The following CYP4F22 variants were observed in gnomAD, a reference collection of about 807,000 sequenced individuals.
CYP4F22 encodes ultra-long-chain fatty acid omega-hydroxylase.
A neutral mutation model predicts 60.4 loss-of-function variants in CYP4F22; 37 were observed. The ratio of observed to expected loss-of-function variants is 0.61; its 90% CI spans 0.47 to 0.81. CYP4F22 has a LOEUF of 0.81. Ranked by LOEUF, CYP4F22 falls within the 30% of genes least tolerant of loss-of-function variation. The pLI, the probability that CYP4F22 is intolerant of heterozygous loss-of-function variation, is 0.00. For missense variants in CYP4F22, 655 were observed against 715.0 expected (o/e 0.92, Z 0.96); for synonymous variants, 258 against 280.5 (o/e 0.92, Z 0.80).
chr19:15,537,287 C>T lies in CYP4F22; in HGVS notation c.368-74C>T. ...CTGCACTCCAGCCTGGATGACAGAGCAAGACTCCGTAAAAAAAAACAAAAA... is the reference window on the plus strand; with the variant it reads ...CTGCACTCCAGCCTGGATGACAGAGTAAGACTCCGTAAAAAAAAACAAAAA... On this transcript the variant is annotated intron_variant, in intron 4 of 13. Coordinates refer to ENST00000269703, the MANE Select transcript of CYP4F22 (RefSeq NM_173483.4). 3.8e-6 allele frequency: 6 copies of T among 1,580,248 alleles called. No individual in the cohort carries two copies. The East Asian group carries it at 6.7e-5, about 18-fold the overall frequency.
chr19:15,516,397 A>G (rs2163843), intron 1 of CYP4F22, among the ~76,000 whole-genome samples: 130,299 of 152,180 alleles, frequency 0.86, 55,844 homozygotes, highest in Middle Eastern at 0.93. Flanking sequence ...TTAGCCAGTC[A>G]GGTTTAATTT....
chr19:15,551,429 C>G lies in CYP4F22; in HGVS notation c.1554C>G (p.Asn518Lys). The G allele has an allele frequency of 6.3e-7, 1 of 1,586,332 alleles. No individual in the cohort carries two copies. Residue 518 changes from asparagine to lysine, a missense_variant, in exon 14 of 14, where the codon AAC becomes AAG. By Grantham distance (94) the Asn-to-Lys change is moderately conservative (BLOSUM62 0). This residue lies in a region of CYP4F22 where 151 missense variants were observed against 139.4 expected (regional missense o/e 1.08). Coordinates refer to ENST00000269703, the MANE Select transcript of CYP4F22 (RefSeq NM_173483.4). ...RKPELILRTE[N>K]GLWLKVEPLP... is the part of the protein sequence containing the mutation. ...CGGAGCTCATACTGCGCACGGAGAACGGGCTCTGGCTCAAGGTGGAGCCGC... is the reference window on the plus strand; with the variant it reads ...CGGAGCTCATACTGCGCACGGAGAAGGGGCTCTGGCTCAAGGTGGAGCCGC...
At chr19:15,521,810 A>G (rs1057212948) in intron 1 of CYP4F22, among the ~76,000 whole-genome samples, 2 of 152,144 alleles carry the variant, frequency 1.3e-5, no homozygotes, top group African/African-American at 2.4e-5. Flanking sequence ...AGCTGGGATC[A>G]CAGACATGCA....
At chr19:15,550,802 G>C (rs1387670826) in intron 13 of CYP4F22, 46 bp downstream of exon 13, 1 of 1,605,406 alleles carries the variant, frequency 6.2e-7, no homozygotes, top group Non-Finnish European at 8.5e-7. Context: ...TGTAGGAACA[G>C]AGGCAGGGAA....
chr19:15,517,680 G>A (rs1038131852), intron 1 of CYP4F22, among the ~76,000 whole-genome samples: 1 of 152,206 alleles, frequency 6.6e-6, no homozygotes, highest in African/African-American at 2.4e-5. Flanking sequence ...AAGTCTTCCA[G>A]CTCTCTTTAA....
chr19:15,511,147 G>C (rs1326218973), intron 1 of CYP4F22, among the ~76,000 whole-genome samples: 1 of 150,540 alleles, frequency 6.6e-6, no homozygotes, highest in Non-Finnish European at 1.5e-5. Flanking sequence ...TGTATTTTTA[G>C]TAGAGATGGG....
intron 10 of CYP4F22, among the ~76,000 whole-genome samples, chr19:15,545,070 C>A (rs962105340): frequency 7.4e-5 from 11 of 148,326 alleles, no homozygotes; most frequent in Non-Finnish European, 1.3e-4. Context: ...CCCACCCCCC[C>A]ACAAAAAAAG....
At position 15,547,018 on chromosome 19, in the gene CYP4F22, G is replaced by GTTTTTTTTTTTT. The variant is rs71176432; in HGVS notation, c.1137-1079_1137-1068dup. On this transcript the variant is annotated intron_variant, in intron 10 of 13. Transcript: ENST00000269703. ...GAGCCACCATGCCTGGCCTGCACCAGTTTTTTTTTTTTTTTTTTTTTTAAG... is the reference window on the plus strand; with the variant it reads ...GAGCCACCATGCCTGGCCTGCACCAGTTTTTTTTTTTTTTTTTTTTTTTTTTTTTTTTTTAAG... Among the ~76,000 whole-genome samples the GTTTTTTTTTTTT allele has an allele frequency of 1.3e-3, 107 of 82,312 alleles. 14 individuals carry two copies. The highest frequency in any genetic ancestry group is 5.9e-3 in the South Asian group (11 of 1,874). 54.0% of individuals were successfully genotyped at this position (82,312 alleles called of 152,430 possible).
rs1022666788 is a variant in CYP4F22, at chr19:15,544,259, G to A, written c.1116G>A (p.Arg372=). Residue 372 remains arginine, a synonymous_variant, in exon 10 of 14, where the codon CGG becomes CGA. Transcript: ENST00000269703. ...REEIQEVMKG[R]ELEELEWDDL... is the part of the protein sequence containing the mutation. Reference sequence around the variant, plus strand: ...AGATTCAGGAAGTCATGAAAGGCCGGGAGCTGGAGGAGCTGGAGTGGTGAG... The same window carrying A: ...AGATTCAGGAAGTCATGAAAGGCCGAGAGCTGGAGGAGCTGGAGTGGTGAG... The A allele has an allele frequency of 9.3e-6, 15 of 1,613,914 alleles. 1 individual carries two copies. The highest frequency in any genetic ancestry group is 1.7e-5 in the Admixed American group (1 of 60,006).
intron 1 of CYP4F22, among the ~76,000 whole-genome samples, chr19:15,517,158 A>T (rs910979324): frequency 1.5e-5 from 2 of 133,738 alleles, no homozygotes; most frequent in Admixed American, 7.7e-5. Context: ...CAGTGGCTGC[A>T]CTATTTTTTT....
chr19:15,538,849 A>C (rs1971428239), intron 7 of CYP4F22, among the ~76,000 whole-genome samples: 1 of 152,166 alleles, frequency 6.6e-6, no homozygotes, highest in African/African-American at 2.4e-5. Flanking sequence ...TTCAACAAGA[A>C]AGACAAGATG....
chr19:15,539,437 C>A (rs1971433898), intron 7 of CYP4F22, among the ~76,000 whole-genome samples: 1 of 152,174 alleles, frequency 6.6e-6, no homozygotes, highest in African/African-American at 2.4e-5. Context: ...TATCCAGTCA[C>A]CCATCGATGG....
chr19:15,515,785 G>A (rs1483070283), intron 1 of CYP4F22, among the ~76,000 whole-genome samples: 3 of 151,722 alleles, frequency 2.0e-5, no homozygotes, highest in African/African-American at 4.8e-5. Context: ...GGGCAGTGGC[G>A]CGATCTCGGC....
At chr19:15,517,510 A>G (rs1311438445) in intron 1 of CYP4F22, among the ~76,000 whole-genome samples, 1 of 152,154 alleles carries the variant, frequency 6.6e-6, no homozygotes, top group East Asian at 1.9e-4. Context: ...CTCCCCATGT[A>G]CCCAGCCACC....
chr19:15,549,424 A>G (rs1373692437), intron 12 of CYP4F22, among the ~76,000 whole-genome samples: 1 of 152,170 alleles, frequency 6.6e-6, no homozygotes, highest in East Asian at 1.9e-4. Context: ...AAAATAGAGG[A>G]TGATACTGTC....
In CYP4F22 at chr19:15,551,820, G is replaced by A; in HGVS notation, c.*349G>A. 1 of 377,354 alleles carries A rather than the reference G, an allele frequency of 2.7e-6. No individual in the cohort carries two copies. Among genetic ancestry groups the A allele is most frequent in the Non-Finnish European group, 4.9e-6 (1 of 202,336 alleles). 23.4% of individuals were successfully genotyped at this position (377,354 alleles called of 1,614,324 possible). A position where few individuals can be genotyped will look rare whatever the true frequency, so the allele number is the denominator to read the frequency against. On this transcript the variant is annotated 3_prime_UTR_variant, in exon 14 of 14. Coordinates refer to ENST00000269703, the MANE Select transcript of CYP4F22 (RefSeq NM_173483.4). ...CTCAGGCCACGCCCCTGCAGATCCA[G>A]GTCTCCAGGCCTTGCCCACTGAGCC...
chr19:15,541,413 T>A (rs1383382475), intron 8 of CYP4F22, among the ~76,000 whole-genome samples: 2 of 152,114 alleles, frequency 1.3e-5, no homozygotes, highest in Non-Finnish European at 2.9e-5. Context: ...TTCGTCTCTT[T>A]GTATAAGGAT....
intron 1 of CYP4F22, among the ~76,000 whole-genome samples, chr19:15,521,791 C>T (rs1320792647): frequency 6.6e-6 from 1 of 152,174 alleles, no homozygotes; most frequent in Non-Finnish European, 1.5e-5. Flanking sequence ...CCATCTCAGC[C>T]TCTAGAGTAG....
At chr19:15,540,380 CT>C (rs1971443154) in intron 7 of CYP4F22, 69 bp from the exon 8 acceptor site, 17 of 1,605,008 alleles carry the variant, frequency 1.1e-5, no homozygotes, top group Non-Finnish European at 1.4e-5. Context: ...GGAGGCTTAT[CT>C]TAGCCAAGCC....
Sources: gnomAD v4.1 joint callset for allele counts (sites outside exome capture counted in the v4.1 genomes callset) on GRCh38, gnomAD v4.1.1 for gene constraint, gnomAD v4.1.1 regional missense constraint, MANE v1.5 for transcripts, NCBI Gene and HGNC (gene_info 2026-07-23, HGNC 2026-07-21) for gene names.